Variants in FKTN observed in about 807,000 individuals in gnomAD.
FKTN encodes the protein fukutin, also known as ribitol-5-phosphate transferase FKTN.
Under a neutral mutation model 58.6 loss-of-function variants are expected in FKTN, and 47 were observed. The observed-to-expected ratio is 0.80, with a 90% CI of 0.63 to 1.02. The LOEUF (loss-of-function observed/expected upper bound fraction) is 1.02. Among genes scored for constraint, FKTN ranks in the 50% least tolerant of loss-of-function variants. The probability of loss-of-function intolerance (pLI) is 0.00; values close to 1 mark genes in which losing one functional copy is unlikely to be tolerated. For missense variants in FKTN, 516 were observed against 537.3 expected (o/e 0.96, Z 0.39); for synonymous variants, 178 against 191.9 (o/e 0.93, Z 0.60).
At chr9:105,629,735 C>T (rs1472363434) in intron 10 of FKTN, among the ~76,000 whole-genome samples, 1 of 152,124 alleles carries the variant, frequency 6.6e-6, no homozygotes, top group African/African-American at 2.4e-5. Context: ...TCTAAAGACA[C>T]ATGCACACAT....
At position 105,604,199 on chromosome 9, in the gene FKTN, G is replaced by T. The variant is rs1564290132; in HGVS notation, c.370-16G>T. On this transcript the variant is annotated splice_polypyrimidine_tract_variant and intron_variant, in intron 5 of 10. Coordinates refer to ENST00000357998, the MANE Select transcript of FKTN (RefSeq NM_001079802.2). ...TAAGTGTTGTTTCTTGATGTTTGAT[G>T]CTTCTTTGGTTCTAGGAAGGCTGGT... is the stretch of plus-strand genomic sequence containing the variant. 6.2e-7 allele frequency: 1 copy of T among 1,611,640 alleles called. No individual in the cohort carries two copies. Among genetic ancestry groups the T allele is most frequent in the South Asian group, 1.1e-5 (1 of 90,980 alleles).
In FKTN at chr9:105,638,292, A is replaced by C; in HGVS notation, c.*3028A>C. The stretch of plus-strand genomic sequence containing the variant: ...AAGTCTCAGGGTGTTTCTGCCGCTT[A>C]GTATCTTTTTGTTCAGATTGAGAAC... On this transcript the variant is annotated 3_prime_UTR_variant, in exon 11 of 11. Coordinates refer to ENST00000357998, the MANE Select transcript of FKTN (RefSeq NM_001079802.2). 4 of 985,432 alleles carry C rather than the reference A, an allele frequency of 4.1e-6. No homozygotes were observed. Among genetic ancestry groups the C allele is most frequent in the Non-Finnish European group, 4.8e-6 (4 of 829,928 alleles). 61.0% of individuals were successfully genotyped at this position (985,432 alleles called of 1,614,324 possible).
At chr9:105,564,278 A>T (rs1014864791) in intron 1 of FKTN, among the ~76,000 whole-genome samples, 1 of 152,254 alleles carries the variant, frequency 6.6e-6, no homozygotes, top group African/African-American at 2.4e-5. Flanking sequence ...CTCACCAGCA[A>T]TGGAACAAAG....
chr9:105,635,762 TTGAG>T lies in FKTN; in HGVS notation c.*502_*505del, dbSNP rs1173653023. The T allele has an allele frequency of 1.0e-6, 1 of 1,004,500 alleles. No homozygotes were observed. Among genetic ancestry groups the T allele is most frequent in the Non-Finnish European group, 1.2e-6 (1 of 840,236 alleles). The allele number at this position is 1,004,500 out of a possible 1,614,324, so 62.2% of individuals were successfully genotyped here. A position where few individuals can be genotyped will look rare whatever the true frequency, so the allele number is the denominator to read the frequency against. ...GAGTTAATATTCAAGTGATCAGACT[TTGAG>T]TGACATCAAGAAAAGATGATATCAG... is the stretch of plus-strand genomic sequence containing the variant. On this transcript the variant is annotated 3_prime_UTR_variant, in exon 11 of 11. Transcript: ENST00000357998.
At chr9:105,618,457 A>C (rs1310699502) in intron 9 of FKTN, among the ~76,000 whole-genome samples, 2 of 152,140 alleles carry the variant, frequency 1.3e-5, no homozygotes, top group Non-Finnish European at 2.9e-5. Context: ...ATAAGTAAGA[A>C]TCCCACCCGC....
rs1834034129 is a variant in FKTN at position 105,636,361 on chromosome 9, C to T, written c.*1097C>T. On this transcript the variant is annotated 3_prime_UTR_variant, in exon 11 of 11. Coordinates refer to ENST00000357998, the MANE Select transcript of FKTN (RefSeq NM_001079802.2). ...CTTCTCCTCTTCTAATATATCAGAT[C>T]TCCAAAATGGAAGCTAAATGGTGGA... is the stretch of plus-strand genomic sequence containing the variant. 3 of 984,356 alleles carry T rather than the reference C, an allele frequency of 3.0e-6. No individual in the cohort carries two copies. Among genetic ancestry groups the T allele is most frequent in the Non-Finnish European group, 3.6e-6 (3 of 828,984 alleles). 61.0% of individuals were successfully genotyped at this position (984,356 alleles called of 1,614,324 possible).
chr9:105,568,534 A>C (rs1385532532), intron 1 of FKTN, among the ~76,000 whole-genome samples: 1 of 152,262 alleles, frequency 6.6e-6, no homozygotes, highest in Admixed American at 6.5e-5. Context: ...AGACACATGA[A>C]AAAATGCTCA....
chr9:105,639,397 G>C lies in FKTN; in HGVS notation c.*4133G>C. 1 of 724,020 alleles carries C rather than the reference G, an allele frequency of 1.4e-6. No individual in the cohort carries two copies. Among genetic ancestry groups the C allele is most frequent in the Non-Finnish European group, 1.7e-6 (1 of 591,368 alleles). 44.8% of individuals were successfully genotyped at this position (724,020 alleles called of 1,614,324 possible). The stretch of plus-strand genomic sequence containing the variant: ...GCTTAATCATGTGGGATTTATGGTG[G>C]GGGCCCTTTCAGTCTCAATTTCCAC... On this transcript the variant is annotated 3_prime_UTR_variant, in exon 11 of 11. Transcript: ENST00000357998.
At chr9:105,630,528 T>C (rs986776555) in intron 10 of FKTN, among the ~76,000 whole-genome samples, 7 of 152,174 alleles carry the variant, frequency 4.6e-5, no homozygotes, top group African/African-American at 1.7e-4. Context: ...ATCCCTGTAT[T>C]GTACAGCTTA....
rs1390561303 is a variant in FKTN, at chr9:105,640,141, T to C, written c.*4877T>C. ...GTGCATGATGCCATTTTAAGCTGCTTCACATCAGACTGAAATCCTAATTAC... is the reference window on the plus strand; with the variant it reads ...GTGCATGATGCCATTTTAAGCTGCTCCACATCAGACTGAAATCCTAATTAC... On this transcript the variant is annotated 3_prime_UTR_variant, in exon 11 of 11. Coordinates refer to ENST00000357998, the MANE Select transcript of FKTN (RefSeq NM_001079802.2). 108 of 1,535,378 alleles carry C rather than the reference T, an allele frequency of 7.0e-5. No individual in the cohort carries two copies. Among genetic ancestry groups the C allele is most frequent in the Non-Finnish European group, 9.1e-5 (104 of 1,146,800 alleles).
intron 1 of FKTN, among the ~76,000 whole-genome samples, chr9:105,567,774 A>G (rs1309195693): frequency 6.6e-6 from 1 of 152,244 alleles, no homozygotes; most frequent in Non-Finnish European, 1.5e-5. Context: ...CTTTCTTCAC[A>G]GAATTGGAAA....
intron 10 of FKTN, among the ~76,000 whole-genome samples, chr9:105,631,352 G>C (rs1384417778): frequency 6.6e-6 from 1 of 152,084 alleles, no homozygotes. Flanking sequence ...TAAAAGAAGA[G>C]AAAAAATTGG....
Position 105,640,097 on chromosome 9 carries a change from C to G in FKTN, c.*4833C>G, listed in dbSNP as rs1266136036. The G allele has an allele frequency of 1.3e-5, 20 of 1,534,884 alleles. No homozygotes were observed. Among genetic ancestry groups the G allele is most frequent in the East Asian group, 2.4e-5 (1 of 40,912 alleles). The stretch of plus-strand genomic sequence containing the variant: ...CCTCAAATTTCTGTTTCTATCTCAA[C>G]TAGGCAAGAATCAGCAGGGTGCATG... On this transcript the variant is annotated 3_prime_UTR_variant, in exon 11 of 11. Transcript: ENST00000357998.
intron 10 of FKTN, among the ~76,000 whole-genome samples, chr9:105,626,229 C>T (rs185067606): frequency 6.6e-6 from 1 of 152,124 alleles, no homozygotes; most frequent in South Asian, 2.1e-4. Context: ...CTGGTACATG[C>T]TTATCTTAGT....
At chr9:105,619,346 C>T (rs1007878127) in intron 9 of FKTN, among the ~76,000 whole-genome samples, 3 of 152,064 alleles carry the variant, frequency 2.0e-5, no homozygotes, top group African/African-American at 7.2e-5. Flanking sequence ...AGTGCTGTGG[C>T]GGACAGATGT....
chr9:105,607,042 G>A (rs781100524), intron 6 of FKTN, among the ~76,000 whole-genome samples: 21 of 151,564 alleles, frequency 1.4e-4, no homozygotes, highest in Non-Finnish European at 1.9e-4. Flanking sequence ...GTTTTTTAAA[G>A]CTTTGTGAAT....
At chr9:105,612,503 G>GT (rs34671538) in intron 7 of FKTN, among the ~76,000 whole-genome samples, 104,337 of 152,038 alleles carry the variant, frequency 0.69, 36,268 homozygotes, top group Admixed American at 0.77. Context: ...ATCTTCCAGG[G>GT]TTTTATAGTT....
At position 105,571,024 on chromosome 9, in the gene FKTN, G is replaced by A. The variant is rs181770488; in HGVS notation, c.-180-2631G>A. On this transcript the variant is annotated intron_variant, in intron 1 of 10. Transcript: ENST00000357998. ...ATTTGCCTGTATTCAGTCAGATTGTGAATACCCCTTTATACCATTATATGT... is the reference window on the plus strand; with the variant it reads ...ATTTGCCTGTATTCAGTCAGATTGTAAATACCCCTTTATACCATTATATGT... Among the ~76,000 whole-genome samples, 38 of 152,262 alleles carry A rather than the reference G, an allele frequency of 2.5e-4. No homozygotes were observed. The East Asian group carries it at 4.1e-3, about 16-fold the overall frequency.
intron 3 of FKTN, among the ~76,000 whole-genome samples, chr9:105,582,308 A>C (rs531251157): frequency 6.7e-4 from 102 of 152,224 alleles, no homozygotes; most frequent in Middle Eastern, 6.8e-3. Context: ...CTCCTGCCTC[A>C]ATCTCCTGAG....
Sources: allele counts gnomAD v4.1 joint callset (sites outside exome capture counted in the v4.1 genomes callset), GRCh38; gene constraint gnomAD v4.1.1; transcripts MANE v1.5; gene names NCBI Gene and HGNC (gene_info 2026-07-23, HGNC 2026-07-21).